The following TFDP2 variants were observed in gnomAD, a reference collection of about 807,000 sequenced individuals.
TFDP2 encodes transcription factor Dp-2 (E2F dimerization partner 2).
In TFDP2, 17 loss-of-function variants were observed where a neutral mutation model predicts 59.3. The ratio of observed to expected loss-of-function variants is 0.29; its 90% CI spans 0.20 to 0.43. The LOEUF is 0.43. Among genes scored for constraint, TFDP2 ranks in the 20% least tolerant of loss-of-function variants. The probability of loss-of-function intolerance (pLI) is 1.00; values close to 1 mark genes in which losing one functional copy is unlikely to be tolerated. For synonymous variants in TFDP2, 180 were observed against 194.7 expected (o/e 0.92, Z 0.63); for missense variants, 391 against 528.8 (o/e 0.74, Z 2.56).
chr3:141,974,343 C>G, intron 7 of TFDP2, 152 bp from the exon 8 acceptor site: 1 of 554,360 alleles, frequency 1.8e-6, no homozygotes. Flanking sequence ...CAAAAGAATT[C>G]TATATTCCGA....
chr3:142,141,777 C>G (rs1324901429), intron 1 of TFDP2, among the ~76,000 whole-genome samples: 2 of 151,764 alleles, frequency 1.3e-5, no homozygotes, highest in African/African-American at 4.8e-5. Flanking sequence ...GAGCCGATAT[C>G]ATGCCACTGC....
intron 6 of TFDP2, among the ~76,000 whole-genome samples, chr3:141,983,003 C>T (rs1449081087): frequency 6.6e-6 from 1 of 152,178 alleles, no homozygotes; most frequent in Non-Finnish European, 1.5e-5. Context: ...ACATATGGTA[C>T]ACTACAAGTG....
chr3:142,063,846 A>G lies in TFDP2; in HGVS notation c.82+29215T>C, dbSNP rs77382453. Reference sequence around the variant, plus strand: ...ACATAGCAGGTACTTAAAAAAAAAAATTTCTGAATTGAATGAAAACCTTAG... The same window carrying G: ...ACATAGCAGGTACTTAAAAAAAAAAGTTTCTGAATTGAATGAAAACCTTAG... On this transcript the variant is annotated intron_variant, in intron 3 of 12. Coordinates refer to ENST00000489671, the MANE Select transcript of TFDP2 (RefSeq NM_001178139.2). 5.2e-3 allele frequency among the ~76,000 whole-genome samples: 786 copies of G among 151,744 alleles called. 7 individuals carry two copies. The highest frequency in any genetic ancestry group is 0.018 in the African/African-American group (743 of 41,490).
chr3:142,140,888 C>T (rs1162913134), intron 1 of TFDP2, among the ~76,000 whole-genome samples: 2 of 152,198 alleles, frequency 1.3e-5, no homozygotes, highest in Non-Finnish European at 2.9e-5. Flanking sequence ...GCTCAAACAC[C>T]ATGCTGGGAG....
intron 1 of TFDP2, among the ~76,000 whole-genome samples, chr3:142,113,545 GC>G (rs2061736635): frequency 6.6e-6 from 1 of 152,086 alleles, no homozygotes; most frequent in Non-Finnish European, 1.5e-5. Context: ...ACAGGAGTGA[GC>G]CACTGTGCCC....
At chr3:142,104,618 C>T (rs1387621039) in intron 1 of TFDP2, among the ~76,000 whole-genome samples, 3 of 151,702 alleles carry the variant, frequency 2.0e-5, no homozygotes, top group African/African-American at 7.3e-5. Context: ...ATTAAACACT[C>T]CATGAATGTG....
At chr3:141,995,269 C>T (rs1389109256) in intron 4 of TFDP2, 128 bp from the exon 5 acceptor site, 1 of 654,652 alleles carries the variant, frequency 1.5e-6, no homozygotes, top group East Asian at 3.3e-5. Flanking sequence ...TAATGTCAGT[C>T]ATCTAAAAAT....
chr3:141,959,910 G>A (rs1352777956), intron 10 of TFDP2, 70 bp from the exon 11 acceptor site: 1 of 1,483,588 alleles, frequency 6.7e-7, no homozygotes, highest in Admixed American at 1.9e-5. Flanking sequence ...GTATTCTATA[G>A]TTTAAGTAAC....
In TFDP2 at chr3:141,985,519, C is replaced by CAA. The variant is rs61684289; in HGVS notation, c.357-6839_357-6838dup. 9.7e-3 allele frequency among the ~76,000 whole-genome samples: 713 copies of CAA among 73,804 alleles called. 11 individuals carry two copies. Among genetic ancestry groups the CAA allele is most frequent in the African/African-American group, 0.027 (473 of 17,776 alleles). The allele number at this position is 73,804 out of a possible 152,430, so 48.4% of individuals were successfully genotyped here. A position where few individuals can be genotyped will look rare whatever the true frequency, so the allele number is the denominator to read the frequency against. ...TGGGAGACAGAGCAAGACGCTGTCT[C>CAA]AAAAAAAAAAAAAAAAAAAAAAAAC... On this transcript the variant is annotated intron_variant, in intron 6 of 12. Transcript: ENST00000489671.
chr3:141,987,479 C>T (rs1433530375), intron 6 of TFDP2, among the ~76,000 whole-genome samples: 1 of 151,190 alleles, frequency 6.6e-6, no homozygotes, highest in African/African-American at 2.4e-5. Context: ...GACTGGGTTT[C>T]ACCATGTTGC....
intron 3 of TFDP2, among the ~76,000 whole-genome samples, chr3:142,026,948 G>T (rs4683417): frequency 0.88 from 133,833 of 152,186 alleles, 59,112 homozygotes; most frequent in African/African-American, 0.97. Flanking sequence ...TATTTCTTAT[G>T]CAAAGGTCTT....
Position 141,963,662 on chromosome 3 carries a change from C to T in TFDP2, c.884+150G>A, listed in dbSNP as rs986865784. 6 of 824,566 alleles carry T rather than the reference C, an allele frequency of 7.3e-6. No individual in the cohort carries two copies. The African/African-American group carries it at 8.5e-5, about 12-fold the overall frequency. 51.1% of individuals were successfully genotyped at this position (824,566 alleles called of 1,614,324 possible). A position where few individuals can be genotyped will look rare whatever the true frequency, so the allele number is the denominator to read the frequency against. On this transcript the variant is annotated intron_variant, in intron 10 of 12. Coordinates refer to ENST00000489671, the MANE Select transcript of TFDP2 (RefSeq NM_001178139.2). ...TGGAGCGCACACTAGTGGAAGATTG[C>T]ACCCATGGTTCAGGAGGTGTTTCAT...
chr3:142,149,287 G>T lies in TFDP2; in HGVS notation c.-197C>A, dbSNP rs1028676993. ...TCTGTGGCGCCCGCGCTTAGGCGGC[G>T]GCCGGGTCCCGGTGGACTCACACCC... On this transcript the variant is annotated 5_prime_UTR_variant, in exon 1 of 13. Coordinates refer to ENST00000489671, the MANE Select transcript of TFDP2 (RefSeq NM_001178139.2). The T allele has an allele frequency of 7.8e-5, 31 of 396,146 alleles. No homozygotes were observed. The highest frequency in any genetic ancestry group is 1.3e-4 in the Admixed American group (3 of 22,646). 24.5% of individuals were successfully genotyped at this position (396,146 alleles called of 1,614,324 possible).
chr3:142,073,100 T>C (rs990797748), intron 3 of TFDP2, among the ~76,000 whole-genome samples: 6 of 152,196 alleles, frequency 3.9e-5, no homozygotes, highest in Admixed American at 6.5e-5. Flanking sequence ...TATGCTGTGA[T>C]GAAAATGTCA....
chr3:142,139,404 T>C (rs1053721276), intron 1 of TFDP2, among the ~76,000 whole-genome samples: 1 of 152,242 alleles, frequency 6.6e-6, no homozygotes, highest in Admixed American at 6.5e-5. Flanking sequence ...TTTGATCCTG[T>C]CATTATGATG....
chr3:142,114,060 G>A (rs2061761132), intron 1 of TFDP2, among the ~76,000 whole-genome samples: 1 of 152,028 alleles, frequency 6.6e-6, no homozygotes, highest in African/African-American at 2.4e-5. Flanking sequence ...AGCTACTCAG[G>A]AGGCTGAGGC....
chr3:142,144,125 G>C (rs2063065889), intron 1 of TFDP2, among the ~76,000 whole-genome samples: 2 of 152,214 alleles, frequency 1.3e-5, no homozygotes, highest in African/African-American at 4.8e-5. Context: ...TGTAATCCCA[G>C]CACTTTGGGA....
intron 1 of TFDP2, among the ~76,000 whole-genome samples, chr3:142,125,537 A>G (rs1433114259): frequency 6.6e-6 from 1 of 152,120 alleles, no homozygotes; most frequent in Non-Finnish European, 1.5e-5. Flanking sequence ...GATACTCACT[A>G]CAGTGTCATT....
chr3:142,107,462 G>C (rs2061512241), intron 1 of TFDP2, among the ~76,000 whole-genome samples: 2 of 151,970 alleles, frequency 1.3e-5, no homozygotes, highest in Non-Finnish European at 2.9e-5. Context: ...TTGAACTCCT[G>C]ACCTCATGAT....
Sources: allele counts gnomAD v4.1 joint callset (sites outside exome capture counted in the v4.1 genomes callset), GRCh38; gene constraint gnomAD v4.1.1; transcripts MANE v1.5; gene names NCBI Gene and HGNC (gene_info 2026-07-23, HGNC 2026-07-21).